Variants in FCSK observed in about 807,000 individuals in gnomAD.
FCSK encodes the protein L-fucose kinase.
Under a neutral mutation model 122.5 loss-of-function variants are expected in FCSK, and 123 were observed. The ratio of observed to expected loss-of-function variants is 1.00; its 90% CI spans 0.87 to 1.17. The LOEUF (loss-of-function observed/expected upper bound fraction) is 1.17. Ranked by LOEUF, FCSK falls within the 50% of genes most tolerant of loss-of-function variation. The probability of loss-of-function intolerance (pLI) is 0.00; values close to 1 mark genes in which losing one functional copy is unlikely to be tolerated. For missense variants in FCSK, 1,366 were observed against 1,450.4 expected, an observed-to-expected ratio of 0.94 and a Z score of 0.95; for synonymous variants, 620 against 625.5, an observed-to-expected ratio of 0.99 and a Z score of 0.13.
chr16:70,455,251 C>T (rs1054753853), intron 1 of FCSK, among the ~76,000 whole-genome samples: 1 of 152,192 alleles, frequency 6.6e-6, no homozygotes, highest in Non-Finnish European at 1.5e-5. Context: ...CCAACCCTAT[C>T]CCAGTCTTGG....
chr16:70,456,007 G>A (rs547298580), intron 1 of FCSK, among the ~76,000 whole-genome samples: 7 of 151,874 alleles, frequency 4.6e-5, no homozygotes, highest in Admixed American at 3.3e-4. Context: ...ACAAAGGGAG[G>A]CCCCATCTCA....
intron 7 of FCSK, 106 bp downstream of exon 7, chr16:70,467,577 T>C (rs1239372541): frequency 1.1e-6 from 1 of 889,066 alleles, no homozygotes; most frequent in Non-Finnish European, 1.7e-6. Flanking sequence ...TTTCCTCGCA[T>C]GTTCCTGAAT....
intron 23 of FCSK, 62 bp downstream of exon 23, chr16:70,479,465 A>G: frequency 2.0e-6 from 3 of 1,503,144 alleles, no homozygotes; most frequent in African/African-American, 2.8e-5. Context: ...ACTGTGGCCC[A>G]CCAGTTAACC....
Position 70,474,846 on chromosome 16 carries a change from C to T in FCSK, c.2212C>T (p.Leu738=). Residue 738 remains leucine (L), a synonymous_variant, in exon 18 of 24, where the codon CTG becomes TTG. Transcript: ENST00000288078. ...AYELGGAVLG[L]AVRVDGRRPI... ...TGAGCTTGGCGGGGCTGTGCTGGGC[C>T]TGGCTGTGCGAGTGGACGGCCGCCG... 1 of 1,596,462 alleles carries T rather than the reference C, an allele frequency of 6.3e-7. No homozygotes were observed. The highest frequency in any genetic ancestry group is 8.5e-7 in the Non-Finnish European group (1 of 1,172,764).
chr16:70,467,841 T>C, intron 7 of FCSK, 45 bp from the exon 8 acceptor site: 3 of 1,543,776 alleles, frequency 1.9e-6, no homozygotes, highest in Non-Finnish European at 1.8e-6. Flanking sequence ...TCCTTCCAGA[T>C]CCCTTCCTGC....
intron 4 of FCSK, among the ~76,000 whole-genome samples, chr16:70,465,397 C>G (rs2048386097): frequency 6.7e-6 from 1 of 150,282 alleles, no homozygotes; most frequent in African/African-American, 2.5e-5. Context: ...GTGGCTCATG[C>G]CTGTAAATCT....
intron 6 of FCSK, 121 bp from the exon 7 acceptor site, chr16:70,467,253 C>T (rs188597379): frequency 5.9e-6 from 4 of 680,770 alleles, no homozygotes; most frequent in African/African-American, 3.6e-5. Flanking sequence ...GGCTTGGAAA[C>T]CGTATTTCCC....
At chr16:70,463,824 A>G (rs1323277216) in intron 3 of FCSK, 50 bp downstream of exon 3, 5 of 1,542,580 alleles carry the variant, frequency 3.2e-6, no homozygotes, top group Non-Finnish European at 4.4e-6. Context: ...TGCTGGAACC[A>G]GGTCATTTCT....
intron 20 of FCSK, among the ~76,000 whole-genome samples, chr16:70,476,921 A>G (rs1451008224): frequency 6.6e-6 from 1 of 152,200 alleles, no homozygotes; most frequent in Non-Finnish European, 1.5e-5. Flanking sequence ...CCTGCCCTCA[A>G]AAGTCCTGTG....
chr16:70,472,878 G>A lies in FCSK; in HGVS notation c.1407-105G>A, dbSNP rs969783287. 5.1e-6 allele frequency: 7 copies of A among 1,374,442 alleles called. No individual in the cohort carries two copies. The African/African-American group carries it at 7.3e-5, about 14-fold the overall frequency. 85.1% of individuals were successfully genotyped at this position (1,374,442 alleles called of 1,614,324 possible). A position where few individuals can be genotyped will look rare whatever the true frequency, so the allele number is the denominator to read the frequency against. On this transcript the variant is annotated intron_variant, in intron 14 of 23. Coordinates refer to ENST00000288078, the MANE Select transcript of FCSK (RefSeq NM_145059.3). ...CTGAATTGCCCACTTATGCTACCTC[G>A]GAGGAGTCTGTCCTGTCCCCATGAA...
chr16:70,477,205 T>C (rs1400311913), intron 20 of FCSK, among the ~76,000 whole-genome samples: 1 of 152,290 alleles, frequency 6.6e-6, no homozygotes, highest in Middle Eastern at 3.4e-3. Flanking sequence ...ATTTTTGAGA[T>C]GGAGTCTAGC....
At chr16:70,470,188 C>T (rs771450765) in intron 10 of FCSK, 126 bp from the exon 11 acceptor site, 30 of 682,300 alleles carry the variant, frequency 4.4e-5, no homozygotes, top group Non-Finnish European at 6.5e-5. Context: ...GGGCAGGTTC[C>T]TGACTCAGCT....
chr16:70,478,780 C>A (rs140982582), intron 22 of FCSK, 130 bp downstream of exon 22: 2 of 777,698 alleles, frequency 2.6e-6, no homozygotes, highest in African/African-American at 1.7e-5. Context: ...CAGAAGCCTA[C>A]TGTCTGTCCT....
chr16:70,458,968 A>G (rs2048177839), intron 1 of FCSK, among the ~76,000 whole-genome samples: 1 of 151,928 alleles, frequency 6.6e-6, no homozygotes, highest in Non-Finnish European at 1.5e-5. Flanking sequence ...AAATTAATAA[A>G]AAAAAAGGCT....
chr16:70,465,059 T>C, intron 3 of FCSK, 67 bp from the exon 4 acceptor site: 1 of 1,597,206 alleles, frequency 6.3e-7, no homozygotes, highest in Non-Finnish European at 8.5e-7. Flanking sequence ...CTCTCTGGAT[T>C]CGAGGGTGCC....
At chr16:70,471,606 T>G (rs1325955642) in intron 13 of FCSK, among the ~76,000 whole-genome samples, 3 of 151,518 alleles carry the variant, frequency 2.0e-5, no homozygotes, top group African/African-American at 7.3e-5. Flanking sequence ...GGGGATTTTG[T>G]TTTTTTTCTG....
chr16:70,466,257 G>A lies in FCSK; in HGVS notation c.411G>A (p.Arg137=), dbSNP rs2151709911. ...GCCTGCTGGACATCATGACCTATCG[G>A]GTGAGGCTGGGTGGTGGCCCGTGGT... ...LDCLLDIMTY[R]LGPGSPPGVW... The change falls in exon 5 of 24, where the codon CGG becomes CGA. Residue 137 remains arginine, a splice_region_variant and synonymous_variant. Coordinates refer to ENST00000288078, the MANE Select transcript of FCSK (RefSeq NM_145059.3). The A allele has an allele frequency of 1.2e-6, 2 of 1,613,894 alleles. No individual in the cohort carries two copies. The highest frequency in any genetic ancestry group is 2.2e-5 in the East Asian group (1 of 44,870).
intron 6 of FCSK, 58 bp downstream of exon 6, chr16:70,467,012 GCTCTGCC>G: frequency 6.6e-7 from 1 of 1,519,360 alleles, no homozygotes; most frequent in Non-Finnish European, 9.1e-7. Context: ...CAAGAAGCCA[GCTCTGCC>G]CTTCTTGCCC....
At chr16:70,466,076 G>C in intron 4 of FCSK, 56 bp from the exon 5 acceptor site, 2 of 1,580,734 alleles carry the variant, frequency 1.3e-6, no homozygotes, top group Non-Finnish European at 1.7e-6. Context: ...CACAGCTGAT[G>C]AGGTGGCCTT....
Sources: allele counts gnomAD v4.1 joint callset (sites outside exome capture counted in the v4.1 genomes callset), GRCh38; gene constraint gnomAD v4.1.1; transcripts MANE v1.5; gene names NCBI Gene and HGNC (gene_info 2026-07-23, HGNC 2026-07-21).